Variants in FHDC1 observed in about 807,000 individuals in gnomAD.
FHDC1 encodes FH2 domain-containing protein 1.
Under a neutral mutation model 52.6 loss-of-function variants are expected in FHDC1, and 25 were observed. The ratio of observed to expected loss-of-function variants is 0.48; its 90% CI spans 0.35 to 0.66. The LOEUF (loss-of-function observed/expected upper bound fraction) is 0.66, where lower values mean the gene tolerates loss of function less well. Ranked by LOEUF, FHDC1 falls within the 30% of genes least tolerant of loss-of-function variation. FHDC1 has a pLI of 0.01. For missense variants in FHDC1, 1,459 were observed against 1,452.8 expected (o/e 1.00, Z -0.07); for synonymous variants, 616 against 581.5 (o/e 1.06, Z -0.85).
chr4:152,937,369 C>A (rs1238743505), intron 1 of FHDC1, among the ~76,000 whole-genome samples: 1 of 152,122 alleles, frequency 6.6e-6, no homozygotes, highest in African/African-American at 2.4e-5. Flanking sequence ...CCTAGTTAGC[C>A]GTCTCCCACC....
intron 9 of FHDC1, among the ~76,000 whole-genome samples, chr4:152,965,203 A>G (rs1161861334): frequency 6.6e-6 from 1 of 152,214 alleles, no homozygotes; most frequent in Non-Finnish European, 1.5e-5. Context: ...GTCTATTCTA[A>G]TGAATATCAT....
At position 152,979,245 on chromosome 4, in the gene FHDC1, GTC is replaced by G. The variant is rs1489526970; in HGVS notation, c.*2525_*2526del. ...ATGTGGGGCCATGGCCTCGATGATG[GTC>G]TCCACAGGTCTTTCCACCTCTGTGA... is the stretch of plus-strand genomic sequence containing the variant. On this transcript the variant is annotated 3_prime_UTR_variant, in exon 12 of 12. Transcript: ENST00000511601. 1.3e-5 allele frequency: 2 copies of G among 152,162 alleles called. No individual in the cohort carries two copies. Among genetic ancestry groups the G allele is most frequent in the Admixed American group, 1.3e-4 (2 of 15,274 alleles). 9.4% of individuals were successfully genotyped at this position (152,162 alleles called of 1,614,324 possible).
chr4:152,966,989 G>A (rs188047697), intron 9 of FHDC1, among the ~76,000 whole-genome samples: 101 of 152,134 alleles, frequency 6.6e-4, no homozygotes, highest in African/African-American at 2.1e-3. Flanking sequence ...GTGTGGTGGC[G>A]CACACCTGTG....
chr4:152,938,105 C>G (rs1444875070), intron 1 of FHDC1, among the ~76,000 whole-genome samples: 13 of 152,028 alleles, frequency 8.6e-5, no homozygotes, highest in Middle Eastern at 3.2e-3. Context: ...CTGTGACCCC[C>G]TTCAACTGAC....
intron 8 of FHDC1, among the ~76,000 whole-genome samples, chr4:152,964,175 A>AT (rs1740383196): frequency 1.3e-5 from 2 of 152,122 alleles, no homozygotes; most frequent in Admixed American, 1.3e-4. Context: ...TGACTCCATA[A>AT]AGTGCTTATC....
At position 152,975,875 on chromosome 4, in the gene FHDC1, C is replaced by T; in HGVS notation, c.2584C>T (p.Pro862Ser). 6.6e-7 allele frequency: 1 copy of T among 1,515,572 alleles called. No homozygotes were observed. The highest frequency in any genetic ancestry group is 8.8e-7 in the Non-Finnish European group (1 of 1,134,122). The allele number at this position is 1,515,572 out of a possible 1,614,324, so 93.9% of individuals were successfully genotyped here. Residue 862 changes from proline (P) to serine (S), a missense_variant, in exon 12 of 12, where the codon CCA (proline) becomes TCA (serine). Transcript: ENST00000511601. ...KPTKRKDVVA[P>S]KRGSLKEASP... ...CACCAAAAGGAAAGATGTTGTAGCA[C>T]CAAAGAGAGGCTCCCTGAAAGAGGC... is the stretch of plus-strand genomic sequence containing the variant.
chr4:152,960,458 G>T, intron 4 of FHDC1, 107 bp from the exon 5 acceptor site: 2 of 958,368 alleles, frequency 2.1e-6, no homozygotes, highest in South Asian at 1.6e-5. Flanking sequence ...TTTGAATTTA[G>T]CACTAAAATC....
intron 2 of FHDC1, among the ~76,000 whole-genome samples, chr4:152,947,305 CAAAG>C (rs1739765352): frequency 6.6e-6 from 1 of 151,480 alleles, no homozygotes; most frequent in Non-Finnish European, 1.5e-5. Context: ...AAAATTAACT[CAAAG>C]AGACTGTAGA....
chr4:152,926,569 C>T, the FHDC1 span, among the ~76,000 whole-genome samples: 1 of 139,324 alleles, frequency 7.2e-6, no homozygotes, highest in African/African-American at 2.7e-5. Flanking sequence ...TTTAGTTTGG[C>T]TTGGTTAGTT....
chr4:152,953,120 C>T (rs901775892), intron 2 of FHDC1, among the ~76,000 whole-genome samples: 3 of 151,288 alleles, frequency 2.0e-5, no homozygotes, highest in Admixed American at 1.3e-4. Flanking sequence ...GGCAACGGAG[C>T]GAGACTCTGT....
intron 10 of FHDC1, among the ~76,000 whole-genome samples, chr4:152,971,384 A>T (rs1740630657): frequency 6.6e-6 from 1 of 152,150 alleles, no homozygotes; most frequent in Admixed American, 6.5e-5. Context: ...GTGTGATTCC[A>T]AATGTTCATT....
Position 152,953,548 on chromosome 4 carries a change from A to C in FHDC1, c.548A>C (p.Lys183Thr). Reference protein sequence around the residue: ...KRSMNIGIFLKQFKKSPRSIV... With the variant: ...KRSMNIGIFLTQFKKSPRSIV... Reference sequence around the variant, plus strand: ...AGCATGAACATTGGGATATTTCTTAAGCAATTTAAGAAGTAAGATTTTGCA... The same window carrying C: ...AGCATGAACATTGGGATATTTCTTACGCAATTTAAGAAGTAAGATTTTGCA... The change falls in exon 3 of 12, where the codon AAG becomes ACG. Residue 183 changes from lysine to threonine, a missense_variant. Transcript: ENST00000511601. 6 of 1,611,870 alleles carry C rather than the reference A, an allele frequency of 3.7e-6. No individual in the cohort carries two copies. The highest frequency in any genetic ancestry group is 5.1e-6 in the Non-Finnish European group (6 of 1,179,838).
chr4:152,976,861 T>A lies in FHDC1; in HGVS notation c.*138T>A. 1 of 1,192,520 alleles carries A rather than the reference T, an allele frequency of 8.4e-7. No individual in the cohort carries two copies. Among genetic ancestry groups the A allele is most frequent in the Non-Finnish European group, 1.1e-6 (1 of 883,598 alleles). The allele number at this position is 1,192,520 out of a possible 1,614,324, so 73.9% of individuals were successfully genotyped here. On this transcript the variant is annotated 3_prime_UTR_variant, in exon 12 of 12. Coordinates refer to ENST00000511601, the MANE Select transcript of FHDC1 (RefSeq NM_001371116.1). ...GCCACTGCTAGTGACGCTGTTGGGA[T>A]GGCACAGTCCAGGAGGCCTGTGGAC...
intron 4 of FHDC1, among the ~76,000 whole-genome samples, chr4:152,958,365 C>T (rs1358186024): frequency 1.3e-5 from 2 of 152,118 alleles, no homozygotes. Flanking sequence ...TTCTTTTTTA[C>T]TTCCCTGCCG....
rs1739615714 is a variant in FHDC1, at chr4:152,942,980, A to AG, written c.-78_-77insG. ...TCTGGCGGCAGATAGCAGCAGGTGA[A>AG]AAAGTGCTACACAAGTTTGATGTTT... On this transcript the variant is annotated 5_prime_UTR_variant, in exon 2 of 12. Transcript: ENST00000511601. The AG allele has an allele frequency of 5.3e-6, 8 of 1,504,578 alleles. No homozygotes were observed. 93.2% of individuals were successfully genotyped at this position (1,504,578 alleles called of 1,614,324 possible).
chr4:152,934,021 T>C (rs1340735130), upstream of FHDC1, among the ~76,000 whole-genome samples: 1 of 152,176 alleles, frequency 6.6e-6, no homozygotes, highest in Non-Finnish European at 1.5e-5. Flanking sequence ...ACCAAGGTAG[T>C]GGATGTAGGT....
intron 11 of FHDC1, among the ~76,000 whole-genome samples, 164 bp from the exon 12 acceptor site, chr4:152,974,511 C>G (rs1740775777): frequency 6.6e-6 from 1 of 152,184 alleles, no homozygotes; most frequent in Non-Finnish European, 1.5e-5. Flanking sequence ...CGTACACACA[C>G]ACACATGCAT....
At chr4:152,918,621 G>A in the FHDC1 span, among the ~76,000 whole-genome samples, 28 of 152,330 alleles carry the variant, frequency 1.8e-4, no homozygotes, top group African/African-American at 6.7e-4. Flanking sequence ...TCTGAAGAAA[G>A]AACTCAATCC....
chr4:152,959,767 TA>T (rs1740217234), intron 4 of FHDC1, among the ~76,000 whole-genome samples: 2 of 152,130 alleles, frequency 1.3e-5, no homozygotes, highest in African/African-American at 4.8e-5. Context: ...GGTTAATAGA[TA>T]CCTTTTAAAA....
Sources: allele counts gnomAD v4.1 joint callset (sites outside exome capture counted in the v4.1 genomes callset), GRCh38; gene constraint gnomAD v4.1.1; transcripts MANE v1.5; gene names NCBI Gene and HGNC (gene_info 2026-07-23, HGNC 2026-07-21).